Variants in CCDC110 observed in about 807,000 individuals in gnomAD.
CCDC110 encodes the protein coiled-coil domain containing 110.
In CCDC110, 70 loss-of-function variants were observed where a neutral mutation model predicts 77.1. That is an observed-to-expected ratio of 0.91 (90% CI 0.75 to 1.11). The LOEUF is 1.11. Among genes scored for constraint, CCDC110 ranks in the 50% least tolerant of loss-of-function variants. The probability of loss-of-function intolerance (pLI) is 0.00; values close to 1 mark genes in which losing one functional copy is unlikely to be tolerated. For synonymous variants in CCDC110, 295 were observed against 312.5 expected, an observed-to-expected ratio of 0.94 and a Z score of 0.59; for missense variants, 868 against 942.9, an observed-to-expected ratio of 0.92 and a Z score of 1.04.
chr4:185,468,324 A>G lies in CCDC110; in HGVS notation c.115+2621T>C, dbSNP rs2095659813. The stretch of plus-strand genomic sequence containing the variant: ...TACTGAGGTGTACGAGGTGTACGGC[A>G]CATAGTGAATGCTCAAGAGACACTA... On this transcript the variant is annotated intron_variant, in intron 2 of 6. Transcript: ENST00000307588. The surrounding 1 kb of genome is among the most constrained non-coding windows in gnomAD (Gnocchi z 4.5). Among the ~76,000 whole-genome samples the G allele has an allele frequency of 6.6e-6, 1 of 152,238 alleles. No homozygotes were observed. The highest frequency in any genetic ancestry group is 2.4e-5 in the African/African-American group (1 of 41,462).
rs745480880 is a variant in CCDC110, at chr4:185,459,892, T to C, written c.695A>G (p.His232Arg). ...GTCATCTAAATTTTCACAAAATCCA[T>C]GCTTGAGAAAAGGCACAGTAATTTT... Reference protein sequence around the residue: ...KSKITVPFLKHGFCENLDDIC... With the variant: ...KSKITVPFLKRGFCENLDDIC... Residue 232 changes from histidine to arginine, a missense_variant, in exon 6 of 7, where the codon CAT (histidine) becomes CGT (arginine). Transcript: ENST00000307588. The C allele has an allele frequency of 3.1e-6, 5 of 1,613,716 alleles. No homozygotes were observed. Among genetic ancestry groups the C allele is most frequent in the African/African-American group, 2.7e-5 (2 of 74,926 alleles).
At chr4:185,452,335 G>A (rs751857596) in intron 6 of CCDC110, 200 of 985,290 alleles carry the variant, frequency 2.0e-4, no homozygotes, top group Non-Finnish European at 2.3e-4. Context: ...ATCAGTCTCT[G>A]CTACAAACTG....
Position 185,468,215 on chromosome 4 carries a change from G to A in CCDC110, c.115+2730C>T, listed in dbSNP as rs1054742076. 1.3e-5 allele frequency among the ~76,000 whole-genome samples: 2 copies of A among 152,166 alleles called. No homozygotes were observed. The highest frequency in any genetic ancestry group is 6.5e-5 in the Admixed American group (1 of 15,282). ...GGAGCTATGCAACAGGTTGCCTGCC[G>A]CCCAGATTTGAATTCTAGCTTTGCC... On this transcript the variant is annotated intron_variant, in intron 2 of 6. Coordinates refer to ENST00000307588, the MANE Select transcript of CCDC110 (RefSeq NM_152775.4). This position sits in a 1 kb window ranked among gnomAD's most constrained non-coding sequence, Gnocchi z 4.5.
chr4:185,445,525 C>CTT lies in CCDC110; in HGVS notation c.2477_2478dup (p.Asp827LysfsTer15). On this transcript the variant is annotated frameshift_variant, in exon 7 of 7. Coordinates refer to ENST00000307588, the MANE Select transcript of CCDC110 (RefSeq NM_152775.4). LOFTEE classifies it high-confidence loss of function. ...TCCTAATGATGCTTGAGAGTTCTGT[C>CTT]TTTAACTTTGAAATAACCTATGAAA... 6.3e-7 allele frequency: 1 copy of CTT among 1,577,894 alleles called. No individual in the cohort carries two copies. Among genetic ancestry groups the CTT allele is most frequent in the Non-Finnish European group, 8.7e-7 (1 of 1,153,154 alleles).
intron 2 of CCDC110, 140 bp downstream of exon 2, chr4:185,470,805 G>A: frequency 1.3e-6 from 1 of 752,434 alleles, no homozygotes; most frequent in East Asian, 2.5e-5. Context: ...GAACAGCACT[G>A]GCACAAAGCG....
chr4:185,460,788 C>A, intron 5 of CCDC110: 1 of 371,190 alleles, frequency 2.7e-6, no homozygotes, highest in Non-Finnish European at 5.2e-6. Flanking sequence ...AACTGCCTTG[C>A]ATTTGAATTT....
intron 1 of CCDC110, chr4:185,471,451 G>T (rs2095667536): frequency 2.0e-6 from 1 of 492,610 alleles, no homozygotes; most frequent in Non-Finnish European, 3.5e-6. Context: ...CGCGCTGGGC[G>T]GGCGGCGGCG....
chr4:185,459,278 C>A lies in CCDC110; in HGVS notation c.1309G>T (p.Glu437Ter). The A allele has an allele frequency of 6.2e-7, 1 of 1,613,026 alleles. No individual in the cohort carries two copies. The change falls in exon 6 of 7, where the codon GAA becomes TAA. Residue 437 changes from glutamate to a stop codon, truncating the protein, a stop_gained. Transcript: ENST00000307588. LOFTEE classifies it high-confidence loss of function. ...ACTTTTTTCTGTATCTGCACAGATT[C>A]TTTTAGGTAATTCTGTAAGTACTGA... ...KIQYLQNYLK[E>*]SVQIQKKVME...
At chr4:185,471,494 G>T (rs941464929) in intron 1 of CCDC110, 180 bp downstream of exon 1, 3 of 615,014 alleles carry the variant, frequency 4.9e-6, no homozygotes, top group Admixed American at 7.3e-5. Flanking sequence ...AAGCCACAGC[G>T]GACGCAGGGG....
intron 4 of CCDC110, among the ~76,000 whole-genome samples, chr4:185,461,932 T>A (rs912662923): frequency 2.0e-5 from 3 of 152,154 alleles, no homozygotes; most frequent in Non-Finnish European, 2.9e-5. Context: ...ACCTGGTCTC[T>A]ACTAAAAATA....
chr4:185,449,145 G>C (rs551095944), intron 6 of CCDC110, among the ~76,000 whole-genome samples: 11 of 152,224 alleles, frequency 7.2e-5, no homozygotes, highest in African/African-American at 2.6e-4. Context: ...GTTTTAAGTT[G>C]ATGAGAAAAT....
At chr4:185,462,174 ACCACAGG>A (rs1181263986) in intron 4 of CCDC110, among the ~76,000 whole-genome samples, 1 of 152,252 alleles carries the variant, frequency 6.6e-6, no homozygotes, top group African/African-American at 2.4e-5. Flanking sequence ...ATCTTCTGCC[ACCACAGG>A]GAGTCTGAGA....
rs1311823968 is a variant in CCDC110 at position 185,460,234 on chromosome 4, G to A, written c.353C>T (p.Thr118Ile). ...FGTRIEKDLP[T>I]ENQEENLSME... ...AGAAAGGTTTTCTTCTTGATTCTCTGTAGGCTGTAACAATAAGAAGTACAC... is the reference window on the plus strand; with the variant it reads ...AGAAAGGTTTTCTTCTTGATTCTCTATAGGCTGTAACAATAAGAAGTACAC... Residue 118 changes from threonine (T) to isoleucine (I), a missense_variant, in exon 6 of 7, where the codon ACA becomes ATA. Transcript: ENST00000307588. 1.1e-5 allele frequency: 18 copies of A among 1,595,510 alleles called. No homozygotes were observed. Among genetic ancestry groups the A allele is most frequent in the Non-Finnish European group, 1.5e-5 (18 of 1,175,218 alleles).
rs571369479 is a variant in CCDC110, at chr4:185,468,351, C to T, written c.115+2594G>A. 1.2e-4 allele frequency among the ~76,000 whole-genome samples: 19 copies of T among 152,344 alleles called. 1 individual carries two copies. Among genetic ancestry groups the T allele is most frequent in the Admixed American group, 6.5e-4 (10 of 15,304 alleles). On this transcript the variant is annotated intron_variant, in intron 2 of 6. Coordinates refer to ENST00000307588, the MANE Select transcript of CCDC110 (RefSeq NM_152775.4). The surrounding 1 kb of genome is among the most constrained non-coding windows in gnomAD (Gnocchi z 4.5). ...ATAGTGAATGCTCAAGAGACACTAACTCATTACTGCAGAGGCAATATGATG... is the reference window on the plus strand; with the variant it reads ...ATAGTGAATGCTCAAGAGACACTAATTCATTACTGCAGAGGCAATATGATG...
In CCDC110 at chr4:185,458,988, A is replaced by G; in HGVS notation, c.1599T>C (p.Ser533=). Residue 533 remains serine, a synonymous_variant, in exon 6 of 7, where the codon TCT becomes TCC. Transcript: ENST00000307588. ...CTTCCATCATTTGTTGCTTCTCTAA[A>G]GAAAGTTGTATATTTTTTTCCTCTA... ...KTLEEKNIQL[S]LEKQQMMEAL... 6.2e-7 allele frequency: 1 copy of G among 1,603,410 alleles called. No individual in the cohort carries two copies. The highest frequency in any genetic ancestry group is 8.5e-7 in the Non-Finnish European group (1 of 1,177,274).
At chr4:185,465,577 G>A (rs576694325) in intron 2 of CCDC110, among the ~76,000 whole-genome samples, 1 of 152,292 alleles carries the variant, frequency 6.6e-6, no homozygotes, top group Admixed American at 6.5e-5. Context: ...AGGCCAAGCT[G>A]AGCGGGTTGG....
chr4:185,447,927 T>A (rs946688079), intron 6 of CCDC110, among the ~76,000 whole-genome samples: 3 of 152,236 alleles, frequency 2.0e-5, no homozygotes, highest in Non-Finnish European at 4.4e-5. Context: ...CCTTCTTAGC[T>A]GCAATAATTA....
intron 6 of CCDC110, among the ~76,000 whole-genome samples, chr4:185,452,710 C>T (rs1047775966): frequency 2.0e-5 from 3 of 152,052 alleles, no homozygotes; most frequent in Non-Finnish European, 4.4e-5. Context: ...GCTTGATCAA[C>T]ATGGTGAAAT....
chr4:185,457,968 T>C, intron 6 of CCDC110, 158 bp downstream of exon 6: 1 of 631,648 alleles, frequency 1.6e-6, no homozygotes, highest in Non-Finnish European at 2.4e-6. Context: ...CTAGAAAAAA[T>C]TCCTAAATAA....
Sources: gnomAD v4.1 joint callset for allele counts (sites outside exome capture counted in the v4.1 genomes callset) on GRCh38, gnomAD v4.1.1 for gene constraint, Gnocchi (gnomAD v3.1) non-coding constraint, MANE v1.5 for transcripts, NCBI Gene and HGNC (gene_info 2026-07-23, HGNC 2026-07-21) for gene names.